PTK2: variants seen among roughly 807,000 people sequenced by gnomAD.
The protein encoded by PTK2 is focal adhesion kinase 1.
A neutral mutation model predicts 150.1 loss-of-function variants in PTK2; 45 were observed. That is an observed-to-expected ratio of 0.30 (90% CI 0.24 to 0.38). The LOEUF (loss-of-function observed/expected upper bound fraction) is 0.38. Among genes scored for constraint, PTK2 ranks in the 10% least tolerant of loss-of-function variants. The probability of loss-of-function intolerance (pLI) is 1.00; values close to 1 mark genes in which losing one functional copy is unlikely to be tolerated. For synonymous variants in PTK2, 432 were observed against 449.2 expected, an observed-to-expected ratio of 0.96 and a Z score of 0.48; for missense variants, 919 against 1,307.3, an observed-to-expected ratio of 0.70 and a Z score of 4.58.
intron 7 of PTK2, 114 bp downstream of exon 7, chr8:140,846,146 C>G (rs1166775771): frequency 2.6e-6 from 2 of 770,292 alleles, no homozygotes; most frequent in Non-Finnish European, 4.1e-6. Context: ...TTTTCCTCTT[C>G]TGGATATAAA....
At chr8:140,960,269 G>A (rs2100182698) in intron 1 of PTK2, among the ~76,000 whole-genome samples, 1 of 82,938 alleles carries the variant, frequency 1.2e-5, no homozygotes, top group South Asian at 4.5e-4. Context: ...CACGATCTCG[G>A]CTCACTGCAA....
intron 26 of PTK2, among the ~76,000 whole-genome samples, chr8:140,697,997 C>T (rs368977623): frequency 6.6e-6 from 1 of 150,870 alleles, no homozygotes; most frequent in East Asian, 2.0e-4. Flanking sequence ...TGGAATATAG[C>T]CTTTTGACTC....
intron 2 of PTK2, among the ~76,000 whole-genome samples, chr8:140,896,588 C>T (rs1177605313): frequency 1.3e-5 from 2 of 152,126 alleles, no homozygotes; most frequent in South Asian, 2.1e-4. Flanking sequence ...GATAAAAACT[C>T]GCAGCAAACT....
chr8:140,712,252 C>T (rs1380300348), intron 23 of PTK2, among the ~76,000 whole-genome samples: 1 of 151,796 alleles, frequency 6.6e-6, no homozygotes, highest in African/African-American at 2.4e-5. Context: ...AAGAAGGACA[C>T]ATGTACATCT....
At chr8:140,770,584 A>G (rs1294042830) in intron 14 of PTK2, 132 bp downstream of exon 15, 3 of 268,226 alleles carry the variant, frequency 1.1e-5, no homozygotes, top group Non-Finnish European at 1.8e-5. Flanking sequence ...CTTCTGAACA[A>G]TGAACAGCAC....
intron 1 of PTK2, among the ~76,000 whole-genome samples, chr8:140,996,277 C>T (rs1357717356): frequency 6.6e-6 from 1 of 152,162 alleles, no homozygotes; most frequent in Non-Finnish European, 1.5e-5. Flanking sequence ...TGGAAGCTAG[C>T]AGAGGTTGGT....
At chr8:140,676,658 T>A (rs2100013941) in intron 27 of PTK2, among the ~76,000 whole-genome samples, 1 of 147,028 alleles carries the variant, frequency 6.8e-6, no homozygotes, top group Non-Finnish European at 1.5e-5. Flanking sequence ...CCAGGTGCAG[T>A]GGCTCACGCC....
intron 15 of PTK2, 113 bp downstream of exon 18, chr8:140,762,255 T>C: frequency 2.1e-6 from 1 of 479,402 alleles, no homozygotes; most frequent in Non-Finnish European, 2.8e-6. Flanking sequence ...ACAGTATAAG[T>C]AAACCAATGA....
chr8:140,662,678 C>T, intron 31 of PTK2: 1 of 575,024 alleles, frequency 1.7e-6, no homozygotes, highest in Non-Finnish European at 3.3e-6. Context: ...TTGTGTCCAA[C>T]CGTCCTTCAG....
chr8:140,838,411 T>C (rs2100120123), intron 7 of PTK2, among the ~76,000 whole-genome samples: 1 of 152,232 alleles, frequency 6.6e-6, no homozygotes, highest in Non-Finnish European at 1.5e-5. Context: ...TGCGAGTCCC[T>C]GCACATCCTC....
intron 2 of PTK2, among the ~76,000 whole-genome samples, chr8:140,914,488 G>A (rs953808151): frequency 1.3e-5 from 2 of 151,088 alleles, no homozygotes; most frequent in African/African-American, 4.9e-5. Flanking sequence ...AGGTAAACTT[G>A]TATCACGAGG....
chr8:140,918,349 A>G (rs1055601747), intron 2 of PTK2, among the ~76,000 whole-genome samples: 3 of 152,240 alleles, frequency 2.0e-5, no homozygotes, highest in Non-Finnish European at 4.4e-5. Flanking sequence ...TTTCAAAAAC[A>G]TGAAATAAAT....
At chr8:140,672,411 A>T (rs1310996289) in intron 29 of PTK2, among the ~76,000 whole-genome samples, 2 of 152,210 alleles carry the variant, frequency 1.3e-5, no homozygotes, top group African/African-American at 4.8e-5. Flanking sequence ...GAGAAGACTC[A>T]GTGTGTCTTT....
At chr8:140,858,742 A>G (rs1363279358) in intron 5 of PTK2, among the ~76,000 whole-genome samples, 2 of 152,250 alleles carry the variant, frequency 1.3e-5, no homozygotes, top group Non-Finnish European at 1.5e-5. Context: ...TCTTGAAATA[A>G]TGGCTATTTA....
intron 2 of PTK2, among the ~76,000 whole-genome samples, chr8:140,917,855 T>C (rs116116535): frequency 0.02 from 2,979 of 152,136 alleles, 103 homozygotes; most frequent in African/African-American, 0.067. Flanking sequence ...GAAAAGGATA[T>C]AGGAGGGGAC....
chr8:140,744,698 G>A, exon 19 of PTK2: 1 of 1,608,808 alleles, frequency 6.2e-7, no homozygotes, highest in Non-Finnish European at 8.5e-7. Context: ...GCTGTACTAA[G>A]CTGATAGGCA....
intron 27 of PTK2, among the ~76,000 whole-genome samples, chr8:140,681,591 C>A (rs908708085): frequency 6.6e-6 from 1 of 152,100 alleles, no homozygotes; most frequent in Non-Finnish European, 1.5e-5. Flanking sequence ...TCCCGGCTAA[C>A]ACAGTGAAAC....
At chr8:140,781,684 T>TCTGTCTGCA (rs904826267) in intron 14 of PTK2, among the ~76,000 whole-genome samples, 8 of 152,354 alleles carry the variant, frequency 5.3e-5, no homozygotes, top group African/African-American at 1.9e-4. Context: ...TCTGTGAGTT[T>TCTGTCTGCA]CTGTCTGCAC....
At chr8:140,922,532 C>T (rs1276731796) in intron 2 of PTK2, among the ~76,000 whole-genome samples, 1 of 152,112 alleles carries the variant, frequency 6.6e-6, no homozygotes, top group Non-Finnish European at 1.5e-5. Flanking sequence ...TGACACACTC[C>T]TGTGAGAACG....
Sources: gnomAD v4.1 joint callset for allele counts (sites outside exome capture counted in the v4.1 genomes callset) on GRCh38, gnomAD v4.1.1 for gene constraint, MANE v1.5 for transcripts, NCBI Gene and HGNC (gene_info 2026-07-23, HGNC 2026-07-21) for gene names.